The following CACNA2D1 variants were observed in gnomAD, a reference collection of about 807,000 sequenced individuals.
CACNA2D1 encodes voltage-dependent calcium channel subunit alpha-2/delta-1.
Under a neutral mutation model 171.5 loss-of-function variants are expected in CACNA2D1, and 53 were observed. That is an observed-to-expected ratio of 0.31 (90% CI 0.25 to 0.39). The LOEUF (loss-of-function observed/expected upper bound fraction) is 0.39. Ranked by LOEUF, CACNA2D1 falls within the 10% of genes least tolerant of loss-of-function variation. CACNA2D1 has a pLI of 1.00. For missense variants in CACNA2D1, 903 were observed against 1,299.8 expected, an observed-to-expected ratio of 0.69 and a Z score of 4.69; for synonymous variants, 442 against 443.1, an observed-to-expected ratio of 1.00 and a Z score of 0.03.
At chr7:82,003,482 A>G (rs1433228191) in intron 18 of CACNA2D1, among the ~76,000 whole-genome samples, 1 of 151,744 alleles carries the variant, frequency 6.6e-6, no homozygotes, top group Non-Finnish European at 1.5e-5. Flanking sequence ...TATTTTCTAC[A>G]TAAATACTGG....
At chr7:82,350,528 G>A (rs184228154) in intron 1 of CACNA2D1, among the ~76,000 whole-genome samples, 12 of 152,280 alleles carry the variant, frequency 7.9e-5, no homozygotes, top group Non-Finnish European at 1.8e-4. Context: ...AGCCAGGCTT[G>A]GTGGCGGACG....
At chr7:82,338,850 G>A (rs951279859) in intron 2 of CACNA2D1, among the ~76,000 whole-genome samples, 1 of 152,184 alleles carries the variant, frequency 6.6e-6, no homozygotes, top group Admixed American at 6.5e-5. Flanking sequence ...GGGTCGGTAT[G>A]TCTGCTAGGA....
intron 10 of CACNA2D1, among the ~76,000 whole-genome samples, chr7:82,054,908 G>T (rs558077211): frequency 2.0e-5 from 3 of 152,272 alleles, no homozygotes; most frequent in African/African-American, 7.2e-5. Flanking sequence ...ATAAAACTAT[G>T]AGTTGGCTGG....
intron 5 of CACNA2D1, among the ~76,000 whole-genome samples, chr7:82,130,567 G>C (rs1025629606): frequency 6.6e-6 from 1 of 151,852 alleles, no homozygotes; most frequent in African/African-American, 2.4e-5. Context: ...GATTGTATTA[G>C]AGCAGTGAAA....
chr7:82,134,393 G>A (rs1791363049), intron 5 of CACNA2D1, among the ~76,000 whole-genome samples: 1 of 152,128 alleles, frequency 6.6e-6, no homozygotes, highest in Non-Finnish European at 1.5e-5. Context: ...AAAGCCCTAG[G>A]ATGACTATAA....
At chr7:82,434,085 T>C (rs946168992) in intron 1 of CACNA2D1, among the ~76,000 whole-genome samples, 11 of 152,198 alleles carry the variant, frequency 7.2e-5, no homozygotes, top group African/African-American at 2.4e-4. Flanking sequence ...TGGAGGCAGA[T>C]AATGCCAATT....
intron 30 of CACNA2D1, among the ~76,000 whole-genome samples, 154 bp downstream of exon 30, chr7:81,967,442 A>G (rs1464297830): frequency 1.3e-5 from 2 of 151,526 alleles, no homozygotes; most frequent in East Asian, 3.9e-4. Context: ...ACTAATTTAA[A>G]CAAAAAAAGC....
intron 4 of CACNA2D1, among the ~76,000 whole-genome samples, chr7:82,147,754 G>T (rs74584533): frequency 6.6e-6 from 1 of 151,898 alleles, no homozygotes; most frequent in East Asian, 1.9e-4. Flanking sequence ...CAAAATATGA[G>T]GATTAACACT....
chr7:82,004,068 G>C (rs905266841), intron 18 of CACNA2D1, among the ~76,000 whole-genome samples: 1 of 151,958 alleles, frequency 6.6e-6, no homozygotes, highest in Non-Finnish European at 1.5e-5. Context: ...TATTCCTTTT[G>C]AATTACTTTA....
At chr7:82,378,867 C>A (rs1004971936) in intron 1 of CACNA2D1, among the ~76,000 whole-genome samples, 1 of 151,760 alleles carries the variant, frequency 6.6e-6, no homozygotes, top group Admixed American at 6.6e-5. Flanking sequence ...TTCAATTTCA[C>A]TTCCTAGGTT....
chr7:82,165,181 A>G (rs1795312235), intron 4 of CACNA2D1, among the ~76,000 whole-genome samples: 1 of 151,938 alleles, frequency 6.6e-6, no homozygotes, highest in African/African-American at 2.4e-5. Context: ...CCCATTTCCT[A>G]AGCCAAGGGT....
intron 3 of CACNA2D1, among the ~76,000 whole-genome samples, chr7:82,265,162 C>T (rs1277897207): frequency 6.6e-6 from 1 of 152,206 alleles, no homozygotes; most frequent in African/African-American, 2.4e-5. Context: ...GTAGATCTGA[C>T]AGGCGATACA....
At chr7:82,187,503 A>G (rs1585043966) in intron 3 of CACNA2D1, among the ~76,000 whole-genome samples, 1 of 152,214 alleles carries the variant, frequency 6.6e-6, no homozygotes, top group Non-Finnish European at 1.5e-5. Context: ...AGCATTTTCA[A>G]TTACAAGATC....
chr7:82,292,783 A>T, intron 3 of CACNA2D1, among the ~76,000 whole-genome samples: 1 of 152,142 alleles, frequency 6.6e-6, no homozygotes, highest in Non-Finnish European at 1.5e-5. Flanking sequence ...TTCCAAGTCC[A>T]TTAGTTATGG....
At chr7:82,042,736 T>C (rs1804111434) in intron 10 of CACNA2D1, among the ~76,000 whole-genome samples, 1 of 152,108 alleles carries the variant, frequency 6.6e-6, no homozygotes, top group Non-Finnish European at 1.5e-5. Context: ...AAAACACTTT[T>C]TCCCACTATA....
chr7:82,389,566 T>TA (rs1342407690), intron 1 of CACNA2D1, among the ~76,000 whole-genome samples: 2 of 152,188 alleles, frequency 1.3e-5, no homozygotes, highest in African/African-American at 4.8e-5. Context: ...ACTGAACTCC[T>TA]AGTCTCCCTG....
chr7:82,262,128 G>A lies in CACNA2D1; in HGVS notation c.294+73007C>T, dbSNP rs1274845128. ...GGGCAGATCACGAGGTCAGGAGATCGAGACCATCCTGGCTAACACGGTGAA... is the reference window on the plus strand; with the variant it reads ...GGGCAGATCACGAGGTCAGGAGATCAAGACCATCCTGGCTAACACGGTGAA... On this transcript the variant is annotated intron_variant, in intron 3 of 38. Coordinates refer to ENST00000356860, the MANE Select transcript of CACNA2D1 (RefSeq NM_000722.4). Among the ~76,000 whole-genome samples the A allele has an allele frequency of 3.9e-5, 6 of 152,256 alleles. No individual in the cohort carries two copies. In the East Asian group the frequency reaches 1.2e-3, roughly 29 times the overall value.
At chr7:82,074,152 G>A (rs1808672319) in intron 7 of CACNA2D1, among the ~76,000 whole-genome samples, 1 of 152,190 alleles carries the variant, frequency 6.6e-6, no homozygotes, top group South Asian at 2.1e-4. Context: ...AGAGCCAGAT[G>A]CCATTAACTA....
At chr7:82,426,590 A>G in intron 1 of CACNA2D1, among the ~76,000 whole-genome samples, 1 of 152,206 alleles carries the variant, frequency 6.6e-6, no homozygotes, top group East Asian at 1.9e-4. Flanking sequence ...GTGCCATTCT[A>G]TATTACAAGT....
Sources: gnomAD v4.1 joint callset for allele counts (sites outside exome capture counted in the v4.1 genomes callset) on GRCh38, gnomAD v4.1.1 for gene constraint, MANE v1.5 for transcripts, NCBI Gene and HGNC (gene_info 2026-07-23, HGNC 2026-07-21) for gene names.